The following SLC2A9 variants were observed in gnomAD, a reference collection of about 807,000 sequenced individuals.
SLC2A9 encodes the protein solute carrier family 2 member 9, also known as solute carrier family 2, facilitated glucose transporter member 9.
A neutral mutation model predicts 50.6 loss-of-function variants in SLC2A9; 39 were observed. That is an observed-to-expected ratio of 0.77 (90% confidence interval 0.60 to 1.01). The LOEUF (loss-of-function observed/expected upper bound fraction) is 1.01. Among genes scored for constraint, SLC2A9 ranks in the 50% least tolerant of loss-of-function variants. The pLI is 0.00. For missense variants in SLC2A9, 686 were observed against 677.6 expected (o/e 1.01, Z -0.14); for synonymous variants, 324 against 276.9 (o/e 1.17, Z -1.69).
chr4:9,803,002 C>A (rs897832257), intron 3 of SLC2A9, among the ~76,000 whole-genome samples: 1 of 152,216 alleles, frequency 6.6e-6, no homozygotes, highest in African/African-American at 2.4e-5. Context: ...ACTTCACACC[C>A]ATTTTCTTGA....
chr4:9,876,634 T>C (rs1734366481), intron 10 of SLC2A9, among the ~76,000 whole-genome samples: 1 of 152,144 alleles, frequency 6.6e-6, no homozygotes, highest in African/African-American at 2.4e-5. Flanking sequence ...TAAAACCCTC[T>C]TGACTGTATC....
chr4:9,905,415 C>T (rs10805343), intron 8 of SLC2A9, among the ~76,000 whole-genome samples: 32,184 of 152,198 alleles, frequency 0.21, 3,868 homozygotes, highest in African/African-American at 0.33. Flanking sequence ...TGCTAAATGG[C>T]GGGGTACCAA....
chr4:9,936,815 T>C (rs1458732819), intron 6 of SLC2A9, among the ~76,000 whole-genome samples: 1 of 152,170 alleles, frequency 6.6e-6, no homozygotes, highest in African/African-American at 2.4e-5. Context: ...ATCTTTGATA[T>C]GGTCTCTAAA....
At chr4:9,936,200 G>A (rs929653895) in intron 6 of SLC2A9, among the ~76,000 whole-genome samples, 8 of 152,174 alleles carry the variant, frequency 5.3e-5, no homozygotes, top group Non-Finnish European at 1.0e-4. Flanking sequence ...ATCAGGTCGG[G>A]GGTGCAGAAT....
Position 9,878,790 on chromosome 4 carries a change from G to T in SLC2A9, c.1291+8777C>A, listed in dbSNP as rs572186892. ...TTTTTGGTTGGTGTCTGAAGTGAGG[G>T]CAGTCTTGTGGGATTGAACCCTTTA... On this transcript the variant is annotated intron_variant, in intron 10 of 11. Transcript: ENST00000264784. 4.6e-5 allele frequency among the ~76,000 whole-genome samples: 7 copies of T among 152,200 alleles called. No individual in the cohort carries two copies. In the South Asian group the frequency reaches 1.5e-3, roughly 32 times the overall value.
chr4:10,037,815 G>A (rs1764154292), intron 1 of SLC2A9, among the ~76,000 whole-genome samples: 1 of 152,092 alleles, frequency 6.6e-6, no homozygotes, highest in South Asian at 2.1e-4. Flanking sequence ...AGCCAGGCGG[G>A]TAGCGCATGC....
At chr4:9,782,755 C>T (rs1487214163) in intron 3 of SLC2A9, 2 of 1,614,022 alleles carry the variant, frequency 1.2e-6, no homozygotes, top group African/African-American at 1.3e-5. Context: ...CCATCATGAT[C>T]GTGACCTACA....
At chr4:9,847,462 G>A (rs1729167260) in intron 10 of SLC2A9, among the ~76,000 whole-genome samples, 1 of 152,220 alleles carries the variant, frequency 6.6e-6, no homozygotes, top group South Asian at 2.1e-4. Context: ...AATTTGACAT[G>A]AGATTTGGGT....
chr4:9,799,692 A>ACC (rs57223650), intron 3 of SLC2A9, among the ~76,000 whole-genome samples: 5,999 of 69,464 alleles, frequency 0.086, 203 homozygotes, highest in East Asian at 0.16. Context: ...TTCCAATTGT[A>ACC]CCCCCCCCCC....
chr4:9,837,225 T>C (rs1727250003), intron 10 of SLC2A9, among the ~76,000 whole-genome samples: 1 of 152,242 alleles, frequency 6.6e-6, no homozygotes, highest in South Asian at 2.1e-4. Flanking sequence ...TTTGACAAGA[T>C]TTGATATGCT....
chr4:9,812,648 A>G (rs1272281526), intron 3 of SLC2A9, among the ~76,000 whole-genome samples: 1 of 152,164 alleles, frequency 6.6e-6, no homozygotes, highest in Non-Finnish European at 1.5e-5. Context: ...TAGGTAGCTG[A>G]GAAGTGCCAC....
chr4:9,949,966 C>A (rs77101951), intron 5 of SLC2A9, among the ~76,000 whole-genome samples: 2 of 152,214 alleles, frequency 1.3e-5, no homozygotes, highest in Admixed American at 1.3e-4. Context: ...TTGACCTTAC[C>A]GTCCCTCCCA....
downstream of SLC2A9, among the ~76,000 whole-genome samples, chr4:9,796,863 C>T (rs932301957): frequency 1.9e-4 from 29 of 152,140 alleles, no homozygotes; most frequent in African/African-American, 6.0e-4. Context: ...GAATGTTTAA[C>T]GCCTCTGCTT....
intron 2 of SLC2A9, among the ~76,000 whole-genome samples, chr4:10,004,138 G>T (rs1760363279): frequency 6.6e-6 from 1 of 152,234 alleles, no homozygotes; most frequent in Non-Finnish European, 1.5e-5. Context: ...GGGAGAAGAG[G>T]AGACATGGAA....
intron 10 of SLC2A9, among the ~76,000 whole-genome samples, chr4:9,848,252 T>A (rs1206579278): frequency 2.0e-5 from 3 of 151,318 alleles, no homozygotes; most frequent in African/African-American, 4.9e-5. Context: ...CAGTATAGGA[T>A]AAAGAAGCAA....
At chr4:9,888,736 G>C (rs544033265) in intron 9 of SLC2A9, among the ~76,000 whole-genome samples, 1 of 152,280 alleles carries the variant, frequency 6.6e-6, no homozygotes, top group South Asian at 2.1e-4. Flanking sequence ...GGGCACCATC[G>C]GCGGGGGGGT....
intron 3 of SLC2A9, among the ~76,000 whole-genome samples, chr4:9,787,396 C>T (rs1481742977): frequency 1.3e-5 from 2 of 152,196 alleles, no homozygotes; most frequent in African/African-American, 4.8e-5. Context: ...CTTACAGAAA[C>T]CTTGCAACAC....
chr4:9,789,175 T>G (rs866740136), intron 3 of SLC2A9, among the ~76,000 whole-genome samples: 7 of 152,252 alleles, frequency 4.6e-5, no homozygotes, highest in Admixed American at 2.0e-4. Context: ...CAAATCTTGA[T>G]TCTCTAATGT....
intron 6 of SLC2A9, among the ~76,000 whole-genome samples, chr4:9,938,751 T>C (rs1312662415): frequency 6.6e-6 from 1 of 152,254 alleles, no homozygotes; most frequent in East Asian, 1.9e-4. Context: ...ACTCAGCCTC[T>C]GAGTGGTCAT....
Sources: allele counts gnomAD v4.1 joint callset (sites outside exome capture counted in the v4.1 genomes callset), GRCh38; gene constraint gnomAD v4.1.1; transcripts MANE v1.5; gene names NCBI Gene and HGNC (gene_info 2026-07-23, HGNC 2026-07-21).